Variants in NKAIN3 observed in about 807,000 individuals in gnomAD.
NKAIN3 encodes the protein sodium/potassium-transporting ATPase subunit beta-1-interacting protein 3.
Under a neutral mutation model 30.2 loss-of-function variants are expected in NKAIN3, and 25 were observed. The ratio of observed to expected loss-of-function variants is 0.83; its 90% CI spans 0.60 to 1.16. The LOEUF is 1.16. Ranked by LOEUF, NKAIN3 falls within the 50% of genes most tolerant of loss-of-function variation. NKAIN3 has a pLI of 0.00. For missense variants in NKAIN3, 225 were observed against 254.1 expected (o/e 0.89, Z 0.78); for synonymous variants, 91 against 89.6 (o/e 1.02, Z -0.09).
intron 4 of NKAIN3, among the ~76,000 whole-genome samples, chr8:62,837,736 G>T (rs1055553640): frequency 6.6e-6 from 1 of 152,096 alleles, no homozygotes; most frequent in Non-Finnish European, 1.5e-5. Context: ...ATGCTTTGGG[G>T]TTACTGAGGA....
intron 6 of NKAIN3, among the ~76,000 whole-genome samples, chr8:62,959,776 C>T (rs1257434573): frequency 6.6e-6 from 1 of 152,164 alleles, no homozygotes; most frequent in African/African-American, 2.4e-5. Context: ...GAGCCCCGTT[C>T]CCTGAGGCTT....
intron 4 of NKAIN3, among the ~76,000 whole-genome samples, chr8:62,819,582 T>A (rs1025150085): frequency 3.9e-5 from 6 of 152,064 alleles, no homozygotes; most frequent in African/African-American, 1.4e-4. Context: ...TCAGTCATAG[T>A]CTCTTGTATT....
intron 4 of NKAIN3, among the ~76,000 whole-genome samples, chr8:62,784,616 T>A (rs942636406): frequency 6.6e-6 from 1 of 152,012 alleles, no homozygotes; most frequent in African/African-American, 2.4e-5. Context: ...AATAAATTAG[T>A]AACTAAAAAT....
chr8:62,631,612 A>G (rs1267602795), intron 3 of NKAIN3, among the ~76,000 whole-genome samples: 1 of 152,140 alleles, frequency 6.6e-6, no homozygotes, highest in East Asian at 1.9e-4. Context: ...TTCTCATGTT[A>G]ACCTTCTCCC....
intron 1 of NKAIN3, among the ~76,000 whole-genome samples, chr8:62,558,408 TATG>T (rs547775539): frequency 7.8e-4 from 118 of 152,242 alleles, no homozygotes; most frequent in Middle Eastern, 3.4e-3. Context: ...TTTGGTTCCA[TATG>T]AATTTTAGGA....
intron 1 of NKAIN3, among the ~76,000 whole-genome samples, chr8:62,424,532 C>G (rs1241872641): frequency 6.6e-6 from 1 of 151,700 alleles, no homozygotes; most frequent in African/African-American, 2.4e-5. Flanking sequence ...AAATGGCTGT[C>G]AGGGACACGA....
intron 5 of NKAIN3, among the ~76,000 whole-genome samples, chr8:62,944,351 G>T (rs1439537865): frequency 1.3e-5 from 2 of 151,676 alleles, no homozygotes; most frequent in Non-Finnish European, 2.9e-5. Flanking sequence ...TCTTCAACTT[G>T]GTTCTTCTTC....
chr8:62,719,753 C>CTTTTTTTTTT (rs60637445), intron 3 of NKAIN3, among the ~76,000 whole-genome samples: 17 of 90,468 alleles, frequency 1.9e-4, no homozygotes, highest in East Asian at 8.4e-4. Flanking sequence ...ACATTTCTTT[C>CTTTTTTTTTT]TTTTTTTTTT....
At chr8:62,272,345 C>A (rs1015662457) in intron 1 of NKAIN3, among the ~76,000 whole-genome samples, 2 of 152,010 alleles carry the variant, frequency 1.3e-5, no homozygotes, top group Non-Finnish European at 2.9e-5. Context: ...TACTTAGTTC[C>A]CAAAGCACTG....
chr8:62,322,457 G>GC (rs200643640), intron 1 of NKAIN3, among the ~76,000 whole-genome samples: 11,869 of 152,206 alleles, frequency 0.078, 1,530 homozygotes, highest in African/African-American at 0.27. Context: ...TTGCTATTCA[G>GC]CATCTTGGCT....
At chr8:62,806,805 A>C (rs977603681) in intron 4 of NKAIN3, among the ~76,000 whole-genome samples, 2 of 151,580 alleles carry the variant, frequency 1.3e-5, no homozygotes, top group Non-Finnish European at 2.9e-5. Flanking sequence ...AAAGTATAAT[A>C]ATAATAAAAA....
At chr8:62,452,641 A>G (rs1178671114) in intron 1 of NKAIN3, among the ~76,000 whole-genome samples, 2 of 152,172 alleles carry the variant, frequency 1.3e-5, no homozygotes, top group Non-Finnish European at 2.9e-5. Flanking sequence ...AACTTACAAA[A>G]ATATATTTTG....
intron 3 of NKAIN3, among the ~76,000 whole-genome samples, chr8:62,682,359 C>A (rs1813668583): frequency 6.6e-6 from 1 of 152,118 alleles, no homozygotes; most frequent in Non-Finnish European, 1.5e-5. Context: ...GAAGCCATTT[C>A]TGGTCTCACA....
chr8:62,625,352 A>C (rs1811759069), intron 3 of NKAIN3, among the ~76,000 whole-genome samples: 1 of 152,154 alleles, frequency 6.6e-6, no homozygotes, highest in African/African-American at 2.4e-5. Context: ...CATGTAACAG[A>C]TAAGGAAGCT....
intron 5 of NKAIN3, among the ~76,000 whole-genome samples, chr8:62,995,213 T>C (rs1210806998): frequency 6.6e-6 from 1 of 152,218 alleles, no homozygotes; most frequent in Non-Finnish European, 1.5e-5. Flanking sequence ...TCTGAGAGCA[T>C]TTTAATATTA....
At chr8:62,581,071 C>T (rs190672069) in intron 2 of NKAIN3, among the ~76,000 whole-genome samples, 2 of 146,032 alleles carry the variant, frequency 1.4e-5, no homozygotes, top group Middle Eastern at 3.5e-3. Flanking sequence ...CCACTCCACT[C>T]CAGCCTAGGC....
rs1055759459 is a variant in NKAIN3 at position 62,322,036 on chromosome 8, C to T, written c.54+72909C>T. On this transcript the variant is annotated intron_variant, in intron 1 of 6. Transcript: ENST00000623646. The stretch of plus-strand genomic sequence containing the variant: ...CTCAAGCCTCGGCAATGGCCGACAC[C>T]CCTCCCCCAGCCTCGCTGCCGCCTT... Among the ~76,000 whole-genome samples, 6 of 152,202 alleles carry T rather than the reference C, an allele frequency of 3.9e-5. No homozygotes were observed. In the East Asian group the frequency reaches 1.2e-3, roughly 29 times the overall value.
chr8:62,696,468 C>T (rs1450042038), intron 3 of NKAIN3, among the ~76,000 whole-genome samples: 1 of 152,080 alleles, frequency 6.6e-6, no homozygotes, highest in Non-Finnish European at 1.5e-5. Flanking sequence ...ATAATACCAA[C>T]AATGATTCTA....
chr8:62,616,725 G>A (rs1202006883), intron 3 of NKAIN3, among the ~76,000 whole-genome samples: 1 of 152,110 alleles, frequency 6.6e-6, no homozygotes, highest in Non-Finnish European at 1.5e-5. Flanking sequence ...CAGGAGTGAG[G>A]CTGAAAGTTC....
Sources: allele counts gnomAD v4.1 joint callset (sites outside exome capture counted in the v4.1 genomes callset), GRCh38; gene constraint gnomAD v4.1.1; transcripts MANE v1.5; gene names NCBI Gene and HGNC (gene_info 2026-07-23, HGNC 2026-07-21).